Variants in LTBP4 observed in about 807,000 individuals in gnomAD.
LTBP4 encodes latent transforming growth factor beta binding protein 4.
LTBP4 carries 93 observed loss-of-function variants against 180.2 expected under a neutral mutation model. That is an observed-to-expected ratio of 0.52 (90% CI 0.44 to 0.61). The LOEUF is 0.61. Ranked by LOEUF, LTBP4 falls within the 20% of genes least tolerant of loss-of-function variation. The pLI is 0.00. For synonymous variants in LTBP4, 947 were observed against 934.5 expected (o/e 1.01, Z -0.24); for missense variants, 2,116 against 2,256.5 (o/e 0.94, Z 1.26).
chr19:40,609,953 C>T lies in LTBP4; in HGVS notation c.1684+82C>T. On this transcript the variant is annotated intron_variant, in intron 11 of 29. Coordinates refer to ENST00000396819, the MANE Select transcript of LTBP4 (RefSeq NM_001042545.2). The surrounding 1 kb of genome is among the most constrained non-coding windows in gnomAD (Gnocchi z 4.9). ...CACTCCAGAGCCTCTCCAGCCCTCCCACGCTTCCCCTCTCGGGTCCCGCCC... is the reference window on the plus strand; with the variant it reads ...CACTCCAGAGCCTCTCCAGCCCTCCTACGCTTCCCCTCTCGGGTCCCGCCC... 1 of 1,437,226 alleles carries T rather than the reference C, an allele frequency of 7.0e-7. No homozygotes were observed. Among genetic ancestry groups the T allele is most frequent in the Non-Finnish European group, 9.1e-7 (1 of 1,093,568 alleles). The allele number at this position is 1,437,226 out of a possible 1,614,324, so 89.0% of individuals were successfully genotyped here.
upstream of LTBP4, chr19:40,599,513 A>G: frequency 6.2e-7 from 1 of 1,612,904 alleles, no homozygotes; most frequent in Non-Finnish European, 8.5e-7. Context: ...TCCCAGCCCC[A>G]GCGTGAGGAA....
In LTBP4 at chr19:40,611,824, C is replaced by G; in HGVS notation, c.2054-35C>G. 10 of 1,590,612 alleles carry G rather than the reference C, an allele frequency of 6.3e-6. No individual in the cohort carries two copies. The highest frequency in any genetic ancestry group is 8.6e-6 in the Non-Finnish European group (10 of 1,166,696). ...GATGGCCATGGGAATGGATTCAGGC[C>G]CCTTCCTCAGCCTCATTGGTCCCCT... On this transcript the variant is annotated intron_variant, in intron 13 of 29. Transcript: ENST00000396819. This position sits in a 1 kb window ranked among gnomAD's most constrained non-coding sequence, Gnocchi z 4.4.
rs2081498040 is a variant in LTBP4, at chr19:40,610,540, G to A, written c.1693G>A (p.Glu565Lys). Reference sequence around the variant, plus strand: ...CTGGTCTGTGCCTACAGATGTGGACGAGTGCCACCGCGTGCCGCCGCCGTG... The same window carrying A: ...CTGGTCTGTGCCTACAGATGTGGACAAGTGCCACCGCGTGCCGCCGCCGTG... ...PRAAECLDVD[E>K]CHRVPPPCDL... The change falls in exon 12 of 30, where the codon GAG (glutamate) becomes AAG (lysine). Residue 565 changes from glutamate (E) to lysine (K), a missense_variant. This residue lies in a region of LTBP4 where 877 missense variants were observed against 873.6 expected (regional missense o/e 1.00). Transcript: ENST00000396819. 6.3e-7 allele frequency: 1 copy of A among 1,594,138 alleles called. No homozygotes were observed.
At chr19:40,599,661 C>T (rs1325020031), upstream of LTBP4, 1 of 1,115,344 alleles carries the variant, frequency 9.0e-7, no homozygotes, top group East Asian at 2.4e-5. Flanking sequence ...CTCCCCCCTC[C>T]CTCCCCGGCT....
chr19:40,606,607 TC>T, intron 6 of LTBP4, 81 bp downstream of exon 6: 1 of 1,497,322 alleles, frequency 6.7e-7, no homozygotes, highest in Non-Finnish European at 9.0e-7. Context: ...GGCCTTTAAT[TC>T]CCTCGGACCC....
At chr19:40,593,986 G>T (rs573427636) in intron 1 of LTBP4, among the ~76,000 whole-genome samples, 1 of 151,576 alleles carries the variant, frequency 6.6e-6, no homozygotes, top group East Asian at 2.0e-4. Context: ...TAGAGACAGG[G>T]TTTCACTGTG....
chr19:40,598,837 A>G (rs572540554), upstream of LTBP4, among the ~76,000 whole-genome samples: 12 of 152,338 alleles, frequency 7.9e-5, no homozygotes, highest in South Asian at 1.9e-3. Context: ...GCGGGGTTCT[A>G]GATTCCCAGA....
chr19:40,608,781 G>C (rs1303153889), intron 9 of LTBP4, 178 bp downstream of exon 9: 1 of 627,524 alleles, frequency 1.6e-6, no homozygotes, highest in Non-Finnish European at 2.6e-6. Flanking sequence ...CGTGGTGGCA[G>C]ATGCCTGTAA....
In LTBP4 at chr19:40,609,534, C is replaced by G. The variant is rs758981430; in HGVS notation, c.1431C>G (p.Pro477=). ...WTGPEIPESG[P]SSGMCQRNPQ... ...CTGGCTGACTGGACCCCCCAGGTCC[C>G]TCCTCCGGCATGTGTCAGCGCAACC... is the stretch of plus-strand genomic sequence containing the variant. Residue 477 remains proline, a synonymous_variant, in exon 10 of 30, where the codon CCC becomes CCG. Transcript: ENST00000396819. The surrounding 1 kb of genome is among the most constrained non-coding windows in gnomAD (Gnocchi z 4.9). 2.5e-6 allele frequency: 4 copies of G among 1,612,946 alleles called. No individual in the cohort carries two copies. The East Asian group carries it at 8.9e-5, about 36-fold the overall frequency.
chr19:40,629,287 T>C lies in LTBP4; in HGVS notation c.4520-109T>C. ...GCAGATGGCAGAGGCCAGATTGGAC[T>C]CCAAACTGCTCAGCATCTGTGCTCC... On this transcript the variant is annotated intron_variant, in intron 29 of 29. Coordinates refer to ENST00000396819, the MANE Select transcript of LTBP4 (RefSeq NM_001042545.2). The surrounding 1 kb of genome is among the most constrained non-coding windows in gnomAD (Gnocchi z 4.5). The C allele has an allele frequency of 6.8e-7, 1 of 1,466,796 alleles. No individual in the cohort carries two copies. Among genetic ancestry groups the C allele is most frequent in the African/African-American group, 1.4e-5 (1 of 71,248 alleles). The allele number at this position is 1,466,796 out of a possible 1,614,324, so 90.9% of individuals were successfully genotyped here. A position where few individuals can be genotyped will look rare whatever the true frequency, so the allele number is the denominator to read the frequency against.
Position 40,605,540 on chromosome 19 carries a change from G to A in LTBP4, c.578G>A (p.Arg193Gln), listed in dbSNP as rs764926563. 1 of 1,606,446 alleles carries A rather than the reference G, an allele frequency of 6.2e-7. No individual in the cohort carries two copies. The highest frequency in any genetic ancestry group is 1.3e-5 in the African/African-American group (1 of 74,802). ...GTGGCGCGGGCGGAAGCGGCGGCGCGGGCGGAGGCGGCAGCGCCCTACACG... is the reference window on the plus strand; with the variant it reads ...GTGGCGCGGGCGGAAGCGGCGGCGCAGGCGGAGGCGGCAGCGCCCTACACG... ...EAVARAEAAA[R>Q]AEAAAPYTVL... The change falls in exon 3 of 30, where the codon CGG (arginine) becomes CAG (glutamine). Residue 193 changes from arginine to glutamine, a missense_variant. Transcript: ENST00000396819. This position sits in a 1 kb window ranked among gnomAD's most constrained non-coding sequence, Gnocchi z 5.5.
At chr19:40,597,330 C>A, upstream of LTBP4, 1 of 1,524,994 alleles carries the variant, frequency 6.6e-7, no homozygotes, top group Non-Finnish European at 8.8e-7. Context: ...GCCCCAGCCC[C>A]AGCCCCAGCC....
intron 26 of LTBP4, 65 bp downstream of exon 26, chr19:40,624,147 C>T: frequency 6.9e-7 from 1 of 1,454,154 alleles, no homozygotes; most frequent in Non-Finnish European, 9.1e-7. Flanking sequence ...GCACCCGGGC[C>T]ACACCTTTGC....
chr19:40,610,326 C>G, intron 11 of LTBP4: 1 of 598,114 alleles, frequency 1.7e-6, no homozygotes, highest in South Asian at 2.2e-5. Context: ...GTCCCCAAAG[C>G]TCTCCTTTCT....
At position 40,625,999 on chromosome 19, in the gene LTBP4, G is replaced by A. The variant is rs375560922; in HGVS notation, c.3975G>A (p.Ala1325=). Residue 1325 remains alanine (A), a synonymous_variant, in exon 27 of 30, where the codon GCG becomes GCA. Coordinates refer to ENST00000396819, the MANE Select transcript of LTBP4 (RefSeq NM_001042545.2). The part of the protein sequence containing the change: ...AWGMDCALCP[A]QDSDDFEALC... ...GCATGGACTGCGCCCTCTGCCCTGC[G>A]CAGGACTCAGGTGCTGGCACTGGCC... is the stretch of plus-strand genomic sequence containing the variant. The A allele has an allele frequency of 3.9e-5, 62 of 1,602,552 alleles. No homozygotes were observed. The highest frequency in any genetic ancestry group is 1.9e-4 in the African/African-American group (14 of 74,672).
At chr19:40,623,245 G>C (rs2081599980) in intron 24 of LTBP4, among the ~76,000 whole-genome samples, 1 of 150,938 alleles carries the variant, frequency 6.6e-6, no homozygotes, top group Non-Finnish European at 1.5e-5. Context: ...CGAGATCTTG[G>C]CTCACTGCAA....
Position 40,605,010 on chromosome 19 carries a change from C to A in LTBP4, c.251-25C>A. The A allele has an allele frequency of 6.3e-7, 1 of 1,592,658 alleles. No homozygotes were observed. Among genetic ancestry groups the A allele is most frequent in the Non-Finnish European group, 8.6e-7 (1 of 1,165,638 alleles). ...GAACCTGCCAGGAATGGTGGCGCCC[C>A]TGAGTGTCCTCGTTCTCCTCCCAGT... On this transcript the variant is annotated intron_variant, in intron 1 of 29. Transcript: ENST00000396819. The surrounding 1 kb of genome is among the most constrained non-coding windows in gnomAD (Gnocchi z 5.5).
intron 11 of LTBP4, 144 bp from the exon 12 acceptor site, chr19:40,610,388 C>G: frequency 1.1e-6 from 1 of 926,860 alleles, no homozygotes; most frequent in South Asian, 1.7e-5. Context: ...TCACTGTGCC[C>G]CTCTCCGGCT....
rs41354044 is a variant in LTBP4 at position 40,607,498 on chromosome 19, G to A, written c.1125G>A (p.Arg375=). Residue 375 remains arginine (R), a synonymous_variant, in exon 7 of 30, where the codon CGG becomes CGA. Coordinates refer to ENST00000396819, the MANE Select transcript of LTBP4 (RefSeq NM_001042545.2). ...GCCGCGTAGGCAAGGCCTGGGGCCG[G>A]GGCTGCCAGCTCTGCCCACCCTTCG... ...CCSRVGKAWG[R]GCQLCPPFGS... 1.9e-3 allele frequency: 3,125 copies of A among 1,612,296 alleles called. 47 individuals carry two copies. In the African/African-American group the frequency reaches 0.036, roughly 18 times the overall value.
Sources: gnomAD v4.1 joint callset for allele counts (sites outside exome capture counted in the v4.1 genomes callset) on GRCh38, gnomAD v4.1.1 for gene constraint, gnomAD v4.1.1 regional missense constraint, Gnocchi (gnomAD v3.1) non-coding constraint, MANE v1.5 for transcripts, NCBI Gene and HGNC (gene_info 2026-07-23, HGNC 2026-07-21) for gene names.